The following HFM1 variants were observed in gnomAD, a reference collection of about 807,000 sequenced individuals.
The protein encoded by HFM1 is probable ATP-dependent DNA helicase HFM1.
In HFM1, 169 loss-of-function variants were observed where a neutral mutation model predicts 192.1. The observed-to-expected ratio is 0.88, with a 90% CI of 0.78 to 1.00. HFM1 has a LOEUF of 1.00. Ranked by LOEUF, HFM1 falls within the 50% of genes least tolerant of loss-of-function variation. HFM1 has a pLI of 0.00. For missense variants in HFM1, 1,661 were observed against 1,668.0 expected, an observed-to-expected ratio of 1.00 and a Z score of 0.07; for synonymous variants, 525 against 537.8, an observed-to-expected ratio of 0.98 and a Z score of 0.33.
At chr1:91,273,927 T>C (rs1277736592) in intron 33 of HFM1, 112 bp from the exon 34 acceptor site, 2 of 619,210 alleles carry the variant, frequency 3.2e-6, no homozygotes, top group Admixed American at 3.1e-5. Flanking sequence ...TTAACACTTC[T>C]ATGATACACT....
chr1:91,349,552 G>A lies in HFM1; in HGVS notation c.2206+1186C>T, dbSNP rs375712896. On this transcript the variant is annotated intron_variant, in intron 18 of 38. Transcript: ENST00000370425. ...AGTCAGCTGCCATGCTATGAGGAAA[G>A]ATCCACCTGGCAAAAGACTGAGGCC... Among the ~76,000 whole-genome samples, 21 of 152,302 alleles carry A rather than the reference G, an allele frequency of 1.4e-4. No homozygotes were observed. In the East Asian group the frequency reaches 3.3e-3, roughly 24 times the overall value.
At chr1:91,302,149 A>G (rs1648878700) in intron 30 of HFM1, among the ~76,000 whole-genome samples, 3 of 151,416 alleles carry the variant, frequency 2.0e-5, no homozygotes, top group South Asian at 2.1e-4. Flanking sequence ...TCTCAAAAGA[A>G]GACATTTATG....
At chr1:91,353,633 T>C (rs1399168386) in intron 13 of HFM1, among the ~76,000 whole-genome samples, 1 of 118,992 alleles carries the variant, frequency 8.4e-6, no homozygotes, top group Non-Finnish European at 1.7e-5. Context: ...CTAAAACTAC[T>C]ATATTACTAG....
chr1:91,267,362 T>A (rs1665861845), intron 35 of HFM1, among the ~76,000 whole-genome samples: 1 of 152,172 alleles, frequency 6.6e-6, no homozygotes, highest in Non-Finnish European at 1.5e-5. Context: ...ATGAATAGTT[T>A]TAAAAATGTA....
In HFM1 at chr1:91,262,576, CAT is replaced by C; in HGVS notation, c.3989_3990del (p.His1330ArgfsTer48). The C allele has an allele frequency of 1.3e-6, 2 of 1,590,988 alleles. No homozygotes were observed. Among genetic ancestry groups the C allele is most frequent in the Non-Finnish European group, 1.7e-6 (2 of 1,164,076 alleles). On this transcript the variant is annotated frameshift_variant, in exon 37 of 39. Coordinates refer to ENST00000370425, the MANE Select transcript of HFM1 (RefSeq NM_001017975.6). LOFTEE classifies it high-confidence loss of function. The stretch of plus-strand genomic sequence containing the variant: ...TTTGATAAAGAAATATCCGACATCT[CAT>C]GTGATGAAACAAAACTAAAAATTAA... ...REMSNSFVSS[H>X]EMSDISLSNS...
rs759319219 is a variant in HFM1 at position 91,324,672 on chromosome 1, T to G, written c.2427+3A>C. On this transcript the variant is annotated splice_donor_region_variant and intron_variant, in intron 21 of 38. Coordinates refer to ENST00000370425, the MANE Select transcript of HFM1 (RefSeq NM_001017975.6). ...ATTTTTTTTCTAGTGAAAATTAATTTACCAGATCTGATAAGGTTTCTTTTC... is the reference window on the plus strand; with the variant it reads ...ATTTTTTTTCTAGTGAAAATTAATTGACCAGATCTGATAAGGTTTCTTTTC... The G allele has an allele frequency of 7.6e-7, 1 of 1,319,016 alleles. No homozygotes were observed. Among genetic ancestry groups the G allele is most frequent in the Admixed American group, 1.8e-5 (1 of 56,794 alleles). 81.7% of individuals were successfully genotyped at this position (1,319,016 alleles called of 1,614,324 possible).
chr1:91,404,184 C>T (rs1016200003), intron 1 of HFM1, among the ~76,000 whole-genome samples: 1 of 152,226 alleles, frequency 6.6e-6, no homozygotes, highest in South Asian at 2.1e-4. Context: ...CCAGATCTCA[C>T]CCCCTCTCCC....
At chr1:91,286,892 G>A (rs917109015) in intron 30 of HFM1, among the ~76,000 whole-genome samples, 10 of 152,196 alleles carry the variant, frequency 6.6e-5, no homozygotes, top group African/African-American at 2.4e-4. Context: ...TCAAAGAAAG[G>A]GGTGACAGAC....
intron 25 of HFM1, among the ~76,000 whole-genome samples, chr1:91,316,743 A>G (rs1651283581): frequency 6.6e-6 from 1 of 152,180 alleles, no homozygotes; most frequent in Non-Finnish European, 1.5e-5. Context: ...GTTTAGTTCT[A>G]CTATACGTCA....
chr1:91,263,910 TGTG>T (rs2100670156), intron 36 of HFM1, among the ~76,000 whole-genome samples: 1 of 152,246 alleles, frequency 6.6e-6, no homozygotes, highest in South Asian at 2.1e-4. Flanking sequence ...TTTTTAAAGG[TGTG>T]GTGCACAAAA....
chr1:91,362,192 AG>A (rs1658605742), intron 13 of HFM1, among the ~76,000 whole-genome samples: 1 of 152,172 alleles, frequency 6.6e-6, no homozygotes, highest in African/African-American at 2.4e-5. Flanking sequence ...AGTTCTGGCA[AG>A]GGCAATCAGG....
chr1:91,390,708 CCT>C (rs1366464261), intron 4 of HFM1, among the ~76,000 whole-genome samples: 22 of 152,044 alleles, frequency 1.4e-4, no homozygotes, highest in Non-Finnish European at 2.9e-4. Flanking sequence ...ACAGGGATGC[CCT>C]CTCTCACCAC....
intron 30 of HFM1, among the ~76,000 whole-genome samples, chr1:91,308,539 T>C (rs1411100963): frequency 6.6e-6 from 1 of 152,188 alleles, no homozygotes; most frequent in African/African-American, 2.4e-5. Flanking sequence ...TATACTTTTT[T>C]TAAAGAGATG....
chr1:91,344,149 G>C (rs1336945882), intron 19 of HFM1, among the ~76,000 whole-genome samples: 1 of 152,160 alleles, frequency 6.6e-6, no homozygotes, highest in African/African-American at 2.4e-5. Flanking sequence ...AGCAATGCTA[G>C]TTCATGCTCA....
intron 30 of HFM1, among the ~76,000 whole-genome samples, chr1:91,300,456 C>G (rs1458548233): frequency 2.6e-5 from 4 of 152,172 alleles, no homozygotes; most frequent in Admixed American, 2.6e-4. Context: ...CATCCTGATA[C>G]CAAAGCCTGG....
At chr1:91,324,242 A>G (rs1440936023) in intron 21 of HFM1, among the ~76,000 whole-genome samples, 1 of 152,164 alleles carries the variant, frequency 6.6e-6, no homozygotes. Flanking sequence ...CTCACCCAAA[A>G]TATTTAGGGA....
At chr1:91,357,650 G>C (rs1657924754) in intron 13 of HFM1, among the ~76,000 whole-genome samples, 1 of 152,094 alleles carries the variant, frequency 6.6e-6, no homozygotes, top group South Asian at 2.1e-4. Flanking sequence ...AATTTGAAAG[G>C]AAGAAGTAAA....
At chr1:91,401,215 G>C in intron 1 of HFM1, 106 bp from the exon 2 acceptor site, 2 of 584,780 alleles carry the variant, frequency 3.4e-6, no homozygotes, top group Non-Finnish European at 3.0e-6. Flanking sequence ...TATAACCACA[G>C]ACTATCCTTC....
intron 21 of HFM1, 64 bp downstream of exon 21, chr1:91,324,611 G>C: frequency 1.3e-6 from 1 of 762,658 alleles, no homozygotes; most frequent in South Asian, 1.6e-5. Flanking sequence ...CAAATTAGTT[G>C]TTTCTCAAAT....
Sources: allele counts gnomAD v4.1 joint callset (sites outside exome capture counted in the v4.1 genomes callset), GRCh38; gene constraint gnomAD v4.1.1; transcripts MANE v1.5; gene names NCBI Gene and HGNC (gene_info 2026-07-23, HGNC 2026-07-21).